The following DPP10 variants were observed in gnomAD, a reference collection of about 807,000 sequenced individuals.
The protein encoded by DPP10 is inactive dipeptidyl peptidase 10.
DPP10 carries 33 observed loss-of-function variants against 120.9 expected under a neutral mutation model. The ratio of observed to expected loss-of-function variants is 0.27; its 90% CI spans 0.21 to 0.37. The LOEUF (loss-of-function observed/expected upper bound fraction) is 0.37. Among genes scored for constraint, DPP10 ranks in the 10% least tolerant of loss-of-function variants. The pLI is 1.00. For missense variants in DPP10, 816 were observed against 942.8 expected (o/e 0.87, Z 1.76); for synonymous variants, 337 against 326.1 (o/e 1.03, Z -0.36).
intron 3 of DPP10, among the ~76,000 whole-genome samples, chr2:115,370,918 A>G (rs2065367839): frequency 6.6e-6 from 1 of 152,154 alleles, no homozygotes; most frequent in East Asian, 1.9e-4. Flanking sequence ...CTGTATAAAT[A>G]AATTCCTGGA....
At chr2:114,518,044 C>T (rs1330204265) in intron 1 of DPP10, among the ~76,000 whole-genome samples, 1 of 134,544 alleles carries the variant, frequency 7.4e-6, no homozygotes, top group Non-Finnish European at 1.6e-5. Flanking sequence ...ATTTCAAAAA[C>T]AATCAGGACT....
chr2:114,606,564 G>A (rs544736999), intron 1 of DPP10, among the ~76,000 whole-genome samples: 9 of 151,940 alleles, frequency 5.9e-5, no homozygotes, highest in Non-Finnish European at 8.8e-5. Context: ...TCATATATTC[G>A]GACCAGTCTA....
At chr2:115,198,805 A>G (rs1024134925) in intron 1 of DPP10, among the ~76,000 whole-genome samples, 1 of 152,140 alleles carries the variant, frequency 6.6e-6, no homozygotes, top group Non-Finnish European at 1.5e-5. Context: ...GCATGGGGTT[A>G]ATAAATGTAT....
intron 1 of DPP10, among the ~76,000 whole-genome samples, chr2:114,631,074 T>C (rs1694887092): frequency 6.6e-6 from 1 of 152,142 alleles, no homozygotes. Context: ...GCCCAGAGTT[T>C]ATCAGCATAT....
In DPP10 at chr2:115,517,506, A is replaced by G. The variant is rs1277220789; in HGVS notation, c.367-8392A>G. On this transcript the variant is annotated intron_variant, in intron 4 of 25. Coordinates refer to ENST00000410059, the MANE Select transcript of DPP10 (RefSeq NM_020868.6). Reference sequence around the variant, plus strand: ...CTTATACTTCCCTTTATCACTCAGCATTTTGTTACTGATTCATGCATATTT... The same window carrying G: ...CTTATACTTCCCTTTATCACTCAGCGTTTTGTTACTGATTCATGCATATTT... Among the ~76,000 whole-genome samples, 5 of 152,044 alleles carry G rather than the reference A, an allele frequency of 3.3e-5. No homozygotes were observed. In the South Asian group the frequency reaches 8.3e-4, roughly 25 times the overall value.
chr2:115,632,369 G>C (rs2085947162), intron 5 of DPP10, among the ~76,000 whole-genome samples: 2 of 152,076 alleles, frequency 1.3e-5, no homozygotes, highest in Admixed American at 6.6e-5. Flanking sequence ...GCCATTCTCT[G>C]TCTTTTGATC....
At chr2:114,939,980 G>A (rs1162509679) in intron 1 of DPP10, among the ~76,000 whole-genome samples, 1 of 152,064 alleles carries the variant, frequency 6.6e-6, no homozygotes. Flanking sequence ...ATGAAATACA[G>A]GCCTATAATA....
rs763446209 is a variant in DPP10 at position 115,395,981 on chromosome 2, T to C, written c.271+52069T>C. ...GAAATACCCAGCTACCTGATTCTGC[T>C]GGTTTTCAATGTTACTTTAATTGGC... On this transcript the variant is annotated intron_variant, in intron 3 of 25. Coordinates refer to ENST00000410059, the MANE Select transcript of DPP10 (RefSeq NM_020868.6). Among the ~76,000 whole-genome samples the C allele has an allele frequency of 4.0e-4, 61 of 152,190 alleles. 2 individuals are homozygous for C. Among genetic ancestry groups the C allele is most frequent in the African/African-American group, 9.7e-5 (4 of 41,442 alleles).
At chr2:115,648,245 G>A (rs1390220447) in intron 5 of DPP10, among the ~76,000 whole-genome samples, 1 of 152,024 alleles carries the variant, frequency 6.6e-6, no homozygotes, top group East Asian at 1.9e-4. Context: ...TAGAATCGTA[G>A]TTACCAGGGT....
At chr2:115,762,696 A>G in intron 12 of DPP10, 86 bp downstream of exon 12, 1 of 1,502,878 alleles carries the variant, frequency 6.7e-7, no homozygotes, top group Non-Finnish European at 9.2e-7. Flanking sequence ...TGTAAAAAGT[A>G]TGAGTTTAAG....
At chr2:115,074,292 A>G (rs1707611942) in intron 1 of DPP10, among the ~76,000 whole-genome samples, 1 of 152,162 alleles carries the variant, frequency 6.6e-6, no homozygotes, top group South Asian at 2.1e-4. Context: ...TACAGGTGTA[A>G]CTACCAAAAA....
intron 1 of DPP10, among the ~76,000 whole-genome samples, chr2:114,807,667 G>T (rs1301434119): frequency 3.3e-5 from 5 of 151,994 alleles, no homozygotes; most frequent in African/African-American, 1.2e-4. Context: ...TATCTATGTT[G>T]CTGTGTGTTT....
intron 1 of DPP10, among the ~76,000 whole-genome samples, chr2:114,936,186 T>C (rs1349763712): frequency 6.6e-6 from 1 of 152,074 alleles, no homozygotes; most frequent in Non-Finnish European, 1.5e-5. Flanking sequence ...TCTCATTTTA[T>C]GCCTTTGCTT....
intron 1 of DPP10, among the ~76,000 whole-genome samples, chr2:114,707,967 A>C (rs1284943897): frequency 6.6e-6 from 1 of 152,146 alleles, no homozygotes; most frequent in Non-Finnish European, 1.5e-5. Flanking sequence ...GGTTTTTCAC[A>C]AACCCAGCTG....
intron 1 of DPP10, among the ~76,000 whole-genome samples, chr2:115,082,024 G>T (rs1708313389): frequency 6.6e-6 from 1 of 151,994 alleles, no homozygotes. Flanking sequence ...TTCTTTTCAG[G>T]CCTCAAAATG....
At chr2:115,056,467 C>A (rs988452184) in intron 1 of DPP10, among the ~76,000 whole-genome samples, 9 of 152,162 alleles carry the variant, frequency 5.9e-5, no homozygotes, top group Non-Finnish European at 1.0e-4. Context: ...TCAAGTGATG[C>A]TCCTACCTCA....
intron 1 of DPP10, among the ~76,000 whole-genome samples, chr2:114,997,344 T>C (rs1309094015): frequency 8.5e-6 from 1 of 118,170 alleles, no homozygotes; most frequent in African/African-American, 3.1e-5. Flanking sequence ...AAAAAAAAAT[T>C]AGCTGATCAT....
At chr2:114,467,922 G>A (rs188914485) in intron 1 of DPP10, among the ~76,000 whole-genome samples, 17 of 152,286 alleles carry the variant, frequency 1.1e-4, no homozygotes, top group Admixed American at 7.8e-4. Context: ...GAGACGCTGA[G>A]GTGGGAGAAT....
At chr2:114,610,767 A>T (rs1035205714) in intron 1 of DPP10, among the ~76,000 whole-genome samples, 8 of 152,152 alleles carry the variant, frequency 5.3e-5, no homozygotes, top group Admixed American at 5.2e-4. Context: ...TTTTGGCAGC[A>T]GGGAGTCAGC....
Sources: allele counts gnomAD v4.1 joint callset (sites outside exome capture counted in the v4.1 genomes callset), GRCh38; gene constraint gnomAD v4.1.1; transcripts MANE v1.5; gene names NCBI Gene and HGNC (gene_info 2026-07-23, HGNC 2026-07-21).